Variants in ZBTB20 observed in about 807,000 individuals in gnomAD.
ZBTB20 encodes zinc finger and BTB domain-containing protein 20.
Under a neutral mutation model 56.9 loss-of-function variants are expected in ZBTB20, and 9 were observed. The observed-to-expected ratio is 0.16, with a 90% CI of 0.10 to 0.28. The LOEUF (loss-of-function observed/expected upper bound fraction) is 0.28. Ranked by LOEUF, ZBTB20 falls within the 10% of genes least tolerant of loss-of-function variation. ZBTB20 has a pLI of 1.00. For synonymous variants in ZBTB20, 417 were observed against 420.7 expected (o/e 0.99, Z 0.11); for missense variants, 655 against 1,003.0 (o/e 0.65, Z 4.69).
At chr3:114,656,931 C>T (rs2060440181) in intron 6 of ZBTB20, among the ~76,000 whole-genome samples, 1 of 152,086 alleles carries the variant, frequency 6.6e-6, no homozygotes, top group Admixed American at 6.6e-5. Context: ...GCGTGAGCTA[C>T]CGCACCGGGC....
At chr3:114,773,928 G>C (rs2069403045) in intron 5 of ZBTB20, among the ~76,000 whole-genome samples, 2 of 152,100 alleles carry the variant, frequency 1.3e-5, no homozygotes, top group Non-Finnish European at 2.9e-5. Context: ...CTTCCAAAAT[G>C]AATTTTCTTT....
intron 6 of ZBTB20, among the ~76,000 whole-genome samples, chr3:114,649,764 A>G (rs2060033165): frequency 1.3e-5 from 2 of 151,950 alleles, no homozygotes; most frequent in African/African-American, 2.4e-5. Flanking sequence ...TTAAATTTAC[A>G]CTAGGTAAAT....
intron 4 of ZBTB20, among the ~76,000 whole-genome samples, chr3:114,898,247 T>C (rs1300104503): frequency 6.6e-6 from 1 of 152,126 alleles, no homozygotes; most frequent in Admixed American, 6.6e-5. Flanking sequence ...TAGATTTGTT[T>C]ATTTATGGGC....
At chr3:115,146,551 A>T (rs2084980501) in intron 1 of ZBTB20, among the ~76,000 whole-genome samples, 1 of 152,062 alleles carries the variant, frequency 6.6e-6, no homozygotes, top group Admixed American at 6.5e-5. Context: ...GAAAGAAGGA[A>T]AGGTGTGTCT....
At chr3:114,540,868 T>C (rs1325971570) in intron 6 of ZBTB20, among the ~76,000 whole-genome samples, 1 of 152,080 alleles carries the variant, frequency 6.6e-6, no homozygotes, top group Non-Finnish European at 1.5e-5. Context: ...TTTATGTCAA[T>C]TCCTTTTATC....
chr3:115,057,002 G>T (rs909445918), intron 2 of ZBTB20, among the ~76,000 whole-genome samples: 1 of 145,106 alleles, frequency 6.9e-6, no homozygotes, highest in Non-Finnish European at 1.5e-5. Flanking sequence ...ATATGTGCTT[G>T]TATAAATTCT....
intron 2 of ZBTB20, among the ~76,000 whole-genome samples, chr3:115,035,673 A>G (rs188629092): frequency 6.6e-6 from 1 of 152,284 alleles, no homozygotes; most frequent in African/African-American, 2.4e-5. Context: ...TAAAAAATAG[A>G]ACTACCATAT....
chr3:114,391,384 T>C (rs1422663222), intron 7 of ZBTB20, among the ~76,000 whole-genome samples: 1 of 152,218 alleles, frequency 6.6e-6, no homozygotes, highest in African/African-American at 2.4e-5. Flanking sequence ...TTTCCTACCA[T>C]GTTCATGGTA....
chr3:114,977,281 G>A (rs2078141820), intron 2 of ZBTB20, among the ~76,000 whole-genome samples: 1 of 152,174 alleles, frequency 6.6e-6, no homozygotes, highest in Non-Finnish European at 1.5e-5. Context: ...TTGTTGTCCT[G>A]AAATGAACTA....
chr3:114,721,677 A>G (rs1331075865), intron 5 of ZBTB20, among the ~76,000 whole-genome samples: 1 of 152,178 alleles, frequency 6.6e-6, no homozygotes, highest in East Asian at 1.9e-4. Context: ...ATCTGACTCC[A>G]GAGCCTGTTC....
chr3:114,508,753 C>A (rs957971571), intron 6 of ZBTB20, among the ~76,000 whole-genome samples: 5 of 152,044 alleles, frequency 3.3e-5, no homozygotes, highest in Non-Finnish European at 7.4e-5. Flanking sequence ...TATTTTGCAA[C>A]CCATTATTTC....
At chr3:115,083,368 C>T (rs1340212288) in intron 1 of ZBTB20, among the ~76,000 whole-genome samples, 1 of 151,932 alleles carries the variant, frequency 6.6e-6, no homozygotes, top group Non-Finnish European at 1.5e-5. Flanking sequence ...TATAGTCTTT[C>T]TGCCATCTTT....
intron 6 of ZBTB20, among the ~76,000 whole-genome samples, chr3:114,612,063 T>G (rs1468821346): frequency 6.6e-6 from 1 of 152,218 alleles, no homozygotes; most frequent in Admixed American, 6.5e-5. Flanking sequence ...TTGGTTGATA[T>G]TTTTCTTCAT....
At chr3:115,032,077 G>A (rs1035008475) in intron 2 of ZBTB20, among the ~76,000 whole-genome samples, 2 of 151,384 alleles carry the variant, frequency 1.3e-5, no homozygotes, top group Admixed American at 1.3e-4. Flanking sequence ...ATTAGCCAGT[G>A]GTAAGGACCA....
intron 5 of ZBTB20, among the ~76,000 whole-genome samples, chr3:114,693,866 G>C (rs1219250120): frequency 4.6e-5 from 7 of 151,976 alleles, no homozygotes; most frequent in Non-Finnish European, 1.0e-4. Flanking sequence ...GTGTTGAGAA[G>C]GTTATGTTTT....
intron 6 of ZBTB20, among the ~76,000 whole-genome samples, chr3:114,588,587 A>G (rs945316464): frequency 6.6e-6 from 1 of 152,138 alleles, no homozygotes; most frequent in Non-Finnish European, 1.5e-5. Flanking sequence ...TGTCTCCCAA[A>G]CACAGAATTC....
At chr3:114,721,872 T>C (rs947681767) in intron 5 of ZBTB20, among the ~76,000 whole-genome samples, 2 of 152,242 alleles carry the variant, frequency 1.3e-5, no homozygotes, top group African/African-American at 4.8e-5. Context: ...ATAAAGAAGA[T>C]CTTCTTGACT....
chr3:114,342,042 T>C (rs974621199), intron 11 of ZBTB20, among the ~76,000 whole-genome samples: 3 of 152,224 alleles, frequency 2.0e-5, no homozygotes, highest in African/African-American at 7.2e-5. Context: ...TAAAGGAAGG[T>C]GCTCTCTATA....
chr3:114,852,370 T>C (rs2075043706), intron 4 of ZBTB20, among the ~76,000 whole-genome samples: 1 of 152,012 alleles, frequency 6.6e-6, no homozygotes, highest in African/African-American at 2.4e-5. Context: ...TTCAAGTGAT[T>C]CTCCTGCCTC....
Sources: allele counts gnomAD v4.1 joint callset (sites outside exome capture counted in the v4.1 genomes callset), GRCh38; gene constraint gnomAD v4.1.1; transcripts MANE v1.5; gene names NCBI Gene and HGNC (gene_info 2026-07-23, HGNC 2026-07-21).